KHDRBS3: variants seen among roughly 807,000 people sequenced by gnomAD.
KHDRBS3 encodes the protein KH RNA binding domain containing, signal transduction associated 3, also known as KH domain-containing, RNA-binding, signal transduction-associated protein 3.
Under a neutral mutation model 45.6 loss-of-function variants are expected in KHDRBS3, and 23 were observed. The ratio of observed to expected loss-of-function variants is 0.50; its 90% confidence interval spans 0.36 to 0.72. The LOEUF (loss-of-function observed/expected upper bound fraction) is 0.72. KHDRBS3 is among the 30% of genes least tolerant of loss of function. KHDRBS3 has a pLI of 0.00. For missense variants in KHDRBS3, 352 were observed against 424.8 expected (o/e 0.83, Z 1.51); for synonymous variants, 162 against 156.5 (o/e 1.04, Z -0.26).
chr8:135,530,752 A>G (rs763436156), intron 2 of KHDRBS3, among the ~76,000 whole-genome samples: 5 of 152,188 alleles, frequency 3.3e-5, no homozygotes, highest in Non-Finnish European at 7.3e-5. Context: ...TTGAGTACTC[A>G]TGCCAGATAC....
intron 2 of KHDRBS3, among the ~76,000 whole-genome samples, chr8:135,528,179 T>A (rs1190774866): frequency 6.6e-6 from 1 of 152,232 alleles, no homozygotes; most frequent in Non-Finnish European, 1.5e-5. Context: ...CTGTTAAAAG[T>A]TTTTCTAGAA....
chr8:135,553,087 G>A (rs151103116), intron 4 of KHDRBS3, among the ~76,000 whole-genome samples: 128 of 152,196 alleles, frequency 8.4e-4, no homozygotes, highest in African/African-American at 3.0e-3. Flanking sequence ...GGTGTGTGGC[G>A]AGCTTTTCAA....
chr8:135,589,295 G>T (rs1191365640), intron 6 of KHDRBS3, among the ~76,000 whole-genome samples: 1 of 152,010 alleles, frequency 6.6e-6, no homozygotes, highest in Non-Finnish European at 1.5e-5. Flanking sequence ...TCTAACATCG[G>T]ATATGCTACT....
intron 5 of KHDRBS3, among the ~76,000 whole-genome samples, chr8:135,558,281 G>A (rs1332729494): frequency 2.6e-5 from 4 of 151,804 alleles, no homozygotes; most frequent in African/African-American, 9.7e-5. Context: ...ATGGGAAAAT[G>A]TTTTGAAGAA....
At chr8:135,542,486 G>T in intron 2 of KHDRBS3, 168 bp from the exon 3 acceptor site, 1 of 521,070 alleles carries the variant, frequency 1.9e-6, no homozygotes, top group Non-Finnish European at 3.5e-6. Context: ...GTTTAGCCCC[G>T]TTTTATGTGG....
chr8:135,564,255 A>G (rs760363612), intron 5 of KHDRBS3, among the ~76,000 whole-genome samples: 1 of 152,212 alleles, frequency 6.6e-6, no homozygotes, highest in South Asian at 2.1e-4. Context: ...GTGATAAACA[A>G]TAAACATTAT....
At chr8:135,654,640 A>G (rs1038466704) in intron 4 of KHDRBS3, among the ~76,000 whole-genome samples, 4 of 152,200 alleles carry the variant, frequency 2.6e-5, no homozygotes, top group African/African-American at 9.6e-5. Context: ...GGGAGAGCTG[A>G]AAGTCCTGCG....
intron 7 of KHDRBS3, among the ~76,000 whole-genome samples, chr8:135,607,345 G>A (rs1262299329): frequency 6.6e-6 from 1 of 152,098 alleles, no homozygotes; most frequent in Non-Finnish European, 1.5e-5. Context: ...TAGTCTTAAG[G>A]CCCAAAATTA....
intron 6 of KHDRBS3, among the ~76,000 whole-genome samples, chr8:135,600,869 T>C (rs1049990848): frequency 6.6e-6 from 1 of 152,032 alleles, no homozygotes; most frequent in Admixed American, 6.6e-5. Context: ...TGGCTAAGTT[T>C]TGTATTTTTT....
chr8:135,578,267 A>C lies in KHDRBS3; in HGVS notation c.612-3611A>C, dbSNP rs1828039604. ...AGTAGAACTTACCAATTTTTCTTTCAAGGACTTTTTTGATATTGTATCTAA... is the reference window on the plus strand; with the variant it reads ...AGTAGAACTTACCAATTTTTCTTTCCAGGACTTTTTTGATATTGTATCTAA... On this transcript the variant is annotated intron_variant, in intron 5 of 8. Coordinates refer to ENST00000355849, the MANE Select transcript of KHDRBS3 (RefSeq NM_006558.3). 2.6e-5 allele frequency among the ~76,000 whole-genome samples: 4 copies of C among 152,098 alleles called. No individual in the cohort carries two copies. In the South Asian group the frequency reaches 8.3e-4, roughly 32 times the overall value.
At chr8:135,548,305 G>A (rs1034725382) in intron 3 of KHDRBS3, among the ~76,000 whole-genome samples, 1 of 152,170 alleles carries the variant, frequency 6.6e-6, no homozygotes, top group Non-Finnish European at 1.5e-5. Context: ...TTAAAAATAA[G>A]TTATTTCAGA....
Position 135,613,819 on chromosome 8 carries a change from A to G in KHDRBS3, c.890+6782A>G, listed in dbSNP as rs563915678. Among the ~76,000 whole-genome samples the G allele has an allele frequency of 1.9e-4, 29 of 151,714 alleles. No homozygotes were observed. In the East Asian group the frequency reaches 3.1e-3, roughly 16 times the overall value. ...AGTAAGACAGCAAGGCGGCCTGGCT[A>G]CCGTTGGGTATGATCTGTTGTGTGG... On this transcript the variant is annotated intron_variant, in intron 7 of 8. Coordinates refer to ENST00000355849, the MANE Select transcript of KHDRBS3 (RefSeq NM_006558.3).
chr8:135,536,966 C>CAAAA lies in KHDRBS3; in HGVS notation c.208-5660_208-5657dup, dbSNP rs869256475. Among the ~76,000 whole-genome samples, 96 of 11,710 alleles carry CAAAA rather than the reference C, an allele frequency of 8.2e-3. 1 individual carries two copies. Among genetic ancestry groups the CAAAA allele is most frequent in the African/African-American group, 0.017 (40 of 2,384 alleles). The allele number at this position is 11,710 out of a possible 152,430, so 7.7% of individuals were successfully genotyped here. A position where few individuals can be genotyped will look rare whatever the true frequency, so the allele number is the denominator to read the frequency against. ...TGGGCGACAGAGCGAAACTCCATCT[C>CAAAA]AAAAAAAAAAAAAAAAAAAAAAAAA... On this transcript the variant is annotated intron_variant, in intron 2 of 8. Coordinates refer to ENST00000355849, the MANE Select transcript of KHDRBS3 (RefSeq NM_006558.3).
intron 5 of KHDRBS3, among the ~76,000 whole-genome samples, chr8:135,576,184 A>AT (rs1827938738): frequency 6.6e-6 from 1 of 152,208 alleles, no homozygotes; most frequent in Non-Finnish European, 1.5e-5. Flanking sequence ...ACTTATGCTC[A>AT]TGTTACCTTG....
chr8:135,626,879 C>T (rs1234446313), intron 7 of KHDRBS3, among the ~76,000 whole-genome samples: 1 of 150,850 alleles, frequency 6.6e-6, no homozygotes, highest in Non-Finnish European at 1.5e-5. Context: ...TTCTCCTTGT[C>T]TCCTTTTTCT....
chr8:135,601,394 G>T (rs558985051), intron 6 of KHDRBS3, among the ~76,000 whole-genome samples: 9 of 152,306 alleles, frequency 5.9e-5, no homozygotes, highest in African/African-American at 2.2e-4. Context: ...GTCATGGACG[G>T]TTTTCATGGG....
At chr8:135,543,605 C>T (rs1311690110) in intron 3 of KHDRBS3, among the ~76,000 whole-genome samples, 3 of 152,172 alleles carry the variant, frequency 2.0e-5, no homozygotes, top group Non-Finnish European at 4.4e-5. Flanking sequence ...GTTTATTCAG[C>T]TGCTACTGTG....
chr8:135,501,374 G>C (rs1739245466), intron 1 of KHDRBS3, among the ~76,000 whole-genome samples: 2 of 152,158 alleles, frequency 1.3e-5, no homozygotes, highest in South Asian at 4.1e-4. Context: ...TCATGATATG[G>C]ATCATGTTTT....
intron 5 of KHDRBS3, among the ~76,000 whole-genome samples, chr8:135,575,697 A>G (rs1478233813): frequency 6.6e-6 from 1 of 152,180 alleles, no homozygotes; most frequent in African/African-American, 2.4e-5. Context: ...GTGGCTTTAC[A>G]GAAAGATTGT....
Sources: gnomAD v4.1 joint callset for allele counts (sites outside exome capture counted in the v4.1 genomes callset) on GRCh38, gnomAD v4.1.1 for gene constraint, MANE v1.5 for transcripts, NCBI Gene and HGNC (gene_info 2026-07-23, HGNC 2026-07-21) for gene names.